SCHIP1: variants seen among roughly 807,000 people sequenced by gnomAD.
The protein encoded by SCHIP1 is schwannomin interacting protein 1, also known as schwannomin-interacting protein 1.
Under a neutral mutation model 29.7 loss-of-function variants are expected in SCHIP1, and 8 were observed. The ratio of observed to expected loss-of-function variants is 0.27; its 90% CI spans 0.16 to 0.49. The LOEUF is 0.49. Among genes scored for constraint, SCHIP1 ranks in the 20% least tolerant of loss-of-function variants. The probability of loss-of-function intolerance (pLI) is 0.99; values close to 1 mark genes in which losing one functional copy is unlikely to be tolerated. For synonymous variants in SCHIP1, 76 were observed against 94.9 expected (o/e 0.80, Z 1.16); for missense variants, 193 against 294.6 (o/e 0.66, Z 2.52).
At chr3:159,619,561 C>G in the SCHIP1 span, among the ~76,000 whole-genome samples, 1 of 152,254 alleles carries the variant, frequency 6.6e-6, no homozygotes, top group Non-Finnish European at 1.5e-5. Context: ...TTGAGGAAAA[C>G]TGTCTTAACA....
chr3:159,284,789 G>C, the SCHIP1 span, among the ~76,000 whole-genome samples: 1 of 151,956 alleles, frequency 6.6e-6, no homozygotes, highest in African/African-American at 2.4e-5. Flanking sequence ...GAGCCACCAC[G>C]CCTGGCCAAC....
chr3:159,708,066 T>C, the SCHIP1 span, among the ~76,000 whole-genome samples: 6 of 152,182 alleles, frequency 3.9e-5, no homozygotes, highest in Non-Finnish European at 1.5e-5. Context: ...AGCCAGTGTC[T>C]TTGATGACCT....
At chr3:159,789,469 A>G in the SCHIP1 span, among the ~76,000 whole-genome samples, 1 of 152,254 alleles carries the variant, frequency 6.6e-6, no homozygotes, top group African/African-American at 2.4e-5. Context: ...CCAAGTTGAC[A>G]CAAAATTAAC....
At chr3:159,390,528 C>T in the SCHIP1 span, among the ~76,000 whole-genome samples, 9 of 151,660 alleles carry the variant, frequency 5.9e-5, no homozygotes, top group East Asian at 3.9e-4. Context: ...ATTATGGACA[C>T]GAAAAAAATT....
the SCHIP1 span, among the ~76,000 whole-genome samples, chr3:159,629,825 AC>A: frequency 6.6e-6 from 1 of 152,224 alleles, no homozygotes; most frequent in Non-Finnish European, 1.5e-5. Context: ...AGAATCCTTG[AC>A]AGGCACTGAG....
the SCHIP1 span, among the ~76,000 whole-genome samples, chr3:159,787,867 A>T: frequency 1.3e-5 from 2 of 152,156 alleles, no homozygotes; most frequent in Non-Finnish European, 2.9e-5. Context: ...ATTTGGACCA[A>T]CTTCCCTCAT....
chr3:159,885,257 G>A (rs940817275), intron 2 of SCHIP1, among the ~76,000 whole-genome samples: 2 of 152,134 alleles, frequency 1.3e-5, no homozygotes, highest in African/African-American at 4.8e-5. Context: ...ATCTTTTCTT[G>A]CGTAGGAACC....
the SCHIP1 span, among the ~76,000 whole-genome samples, chr3:159,519,573 C>T: frequency 6.6e-6 from 1 of 152,052 alleles, no homozygotes; most frequent in East Asian, 1.9e-4. Context: ...ATAAAGATTG[C>T]AGAAGATTCA....
At chr3:159,549,616 C>T in the SCHIP1 span, among the ~76,000 whole-genome samples, 139 of 152,232 alleles carry the variant, frequency 9.1e-4, no homozygotes, top group African/African-American at 3.2e-3. Context: ...CAGATGCCAA[C>T]CCTTCTTACA....
chr3:159,737,892 G>C, the SCHIP1 span, among the ~76,000 whole-genome samples: 1 of 152,150 alleles, frequency 6.6e-6, no homozygotes, highest in East Asian at 1.9e-4. Context: ...GGAGTGGAGA[G>C]CGGCAATGGG....
upstream of SCHIP1, among the ~76,000 whole-genome samples, chr3:159,839,186 A>T (rs532161610): frequency 6.6e-6 from 1 of 151,934 alleles, no homozygotes; most frequent in African/African-American, 2.4e-5. Context: ...ACTCTGTCTC[A>T]GGGAGGATGG....
the SCHIP1 span, among the ~76,000 whole-genome samples, chr3:159,500,293 C>T: frequency 3.3e-5 from 5 of 152,134 alleles, no homozygotes; most frequent in Admixed American, 6.5e-5. Flanking sequence ...CAGGGCATTT[C>T]AAATTGTTCT....
intron 1 of SCHIP1, among the ~76,000 whole-genome samples, chr3:159,859,246 C>A (rs1362732855): frequency 6.6e-6 from 1 of 152,196 alleles, no homozygotes; most frequent in Non-Finnish European, 1.5e-5. Context: ...GTGACAAATT[C>A]ATGGTTTGTC....
the SCHIP1 span, among the ~76,000 whole-genome samples, chr3:159,409,866 C>T: frequency 1.3e-5 from 2 of 152,094 alleles, no homozygotes; most frequent in East Asian, 3.8e-4. Context: ...CATTACTTGA[C>T]TTCAAATTAT....
upstream of SCHIP1, among the ~76,000 whole-genome samples, chr3:159,839,107 A>T (rs1329316535): frequency 1.3e-5 from 2 of 149,906 alleles, no homozygotes; most frequent in Non-Finnish European, 2.9e-5. Flanking sequence ...AACTGGCCCC[A>T]GTTTTTTCCC....
At chr3:159,619,483 A>G in the SCHIP1 span, among the ~76,000 whole-genome samples, 1 of 152,230 alleles carries the variant, frequency 6.6e-6, no homozygotes. Flanking sequence ...AGCCACCAGC[A>G]TCAGTGGGCT....
At chr3:159,323,040 G>A in the SCHIP1 span, among the ~76,000 whole-genome samples, 17 of 152,202 alleles carry the variant, frequency 1.1e-4, no homozygotes, top group East Asian at 1.9e-4. Context: ...TGATAGCGGC[G>A]GACTGGGAAG....
At chr3:159,473,288 C>A in the SCHIP1 span, among the ~76,000 whole-genome samples, 1 of 151,928 alleles carries the variant, frequency 6.6e-6, no homozygotes, top group East Asian at 1.9e-4. Context: ...TATAAAATAG[C>A]CCATATTTTT....
the SCHIP1 span, among the ~76,000 whole-genome samples, chr3:159,594,418 G>A: frequency 6.6e-6 from 1 of 152,190 alleles, no homozygotes; most frequent in East Asian, 1.9e-4. Context: ...AAAGTCAATT[G>A]AAGGAAGTTA....
Sources: allele counts gnomAD v4.1 joint callset (sites outside exome capture counted in the v4.1 genomes callset), GRCh38; gene constraint gnomAD v4.1.1; transcripts MANE v1.5; gene names NCBI Gene and HGNC (gene_info 2026-07-23, HGNC 2026-07-21).